SPIRE2: variants seen among roughly 807,000 people sequenced by gnomAD.
SPIRE2 encodes spire type actin nucleation factor 2, also known as protein spire homolog 2.
Under a neutral mutation model 80.7 loss-of-function variants are expected in SPIRE2, and 76 were observed. The ratio of observed to expected loss-of-function variants is 0.94; its 90% CI spans 0.78 to 1.14. SPIRE2 has a LOEUF of 1.14. Ranked by LOEUF, SPIRE2 falls within the 50% of genes most tolerant of loss-of-function variation. The probability of loss-of-function intolerance (pLI) is 0.00; values close to 1 mark genes in which losing one functional copy is unlikely to be tolerated. For missense variants in SPIRE2, 1,196 were observed against 1,015.3 expected, an observed-to-expected ratio of 1.18 and a Z score of -2.42; for synonymous variants, 535 against 432.6, an observed-to-expected ratio of 1.24 and a Z score of -2.94.
intron 3 of SPIRE2, among the ~76,000 whole-genome samples, chr16:89,852,602 C>T (rs1258483314): frequency 4.5e-5 from 2 of 44,072 alleles, no homozygotes; most frequent in Non-Finnish European, 9.3e-5. Flanking sequence ...TTCCATCCTC[C>T]CTCCACCCCC....
intron 5 of SPIRE2, among the ~76,000 whole-genome samples, chr16:89,854,936 A>C (rs1226296447): frequency 9.1e-6 from 1 of 110,116 alleles, no homozygotes; most frequent in Non-Finnish European, 1.9e-5. Flanking sequence ...CCAAGGCTGT[A>C]GGATTTTTTT....
rs1243269391 is a variant in SPIRE2 at position 89,855,664 on chromosome 16, G to C, written c.956G>C (p.Arg319Pro). The change falls in exon 6 of 15, where the codon CGC (arginine) becomes CCC (proline). Residue 319 changes from arginine to proline, a missense_variant. Coordinates refer to ENST00000378247, the MANE Select transcript of SPIRE2 (RefSeq NM_032451.2). ...DAHELILDFI[R>P]SRPPLKQVSE... ...CACGAGCTCATCCTGGACTTTATCCGCTCACGGCCTCCACTGAAGCAGGTG... is the reference window on the plus strand; with the variant it reads ...CACGAGCTCATCCTGGACTTTATCCCCTCACGGCCTCCACTGAAGCAGGTG... 6.2e-7 allele frequency: 1 copy of C among 1,612,740 alleles called. No individual in the cohort carries two copies. Among genetic ancestry groups the C allele is most frequent in the Non-Finnish European group, 8.5e-7 (1 of 1,179,920 alleles).
Position 89,843,667 on chromosome 16 carries a change from GT to G in SPIRE2, c.245-1642del, listed in dbSNP as rs746543138. On this transcript the variant is annotated intron_variant, in intron 1 of 14. Transcript: ENST00000378247. ...GATGGAGCTGCTGCCTTGCTGCCAC[GT>G]TTTTTTTTTTTTGTTTGTTTTTGTT... is the stretch of plus-strand genomic sequence containing the variant. Among the ~76,000 whole-genome samples, 142 of 60,336 alleles carry G rather than the reference GT, an allele frequency of 2.4e-3. 4 individuals are homozygous for G. The highest frequency in any genetic ancestry group is 4.0e-3 in the Admixed American group (16 of 4,000). 39.6% of individuals were successfully genotyped at this position (60,336 alleles called of 152,430 possible). A position where few individuals can be genotyped will look rare whatever the true frequency, so the allele number is the denominator to read the frequency against.
In SPIRE2 at chr16:89,845,306, C is replaced by T. The variant is rs1242908662; in HGVS notation, c.245-16C>T. ...GGGGATGCTGACAAATAACTTAACT[C>T]CCTCTTCTCTTACAGAACCTGCAAC... On this transcript the variant is annotated splice_polypyrimidine_tract_variant and intron_variant, in intron 1 of 14. Coordinates refer to ENST00000378247, the MANE Select transcript of SPIRE2 (RefSeq NM_032451.2). The T allele has an allele frequency of 6.2e-7, 1 of 1,613,664 alleles. No homozygotes were observed. Among genetic ancestry groups the T allele is most frequent in the African/African-American group, 1.3e-5 (1 of 74,910 alleles).
At chr16:89,868,168 A>T (rs1402736884) in intron 12 of SPIRE2, 21 bp from the exon 13 acceptor site, 18 of 1,613,970 alleles carry the variant, frequency 1.1e-5, no homozygotes, top group Non-Finnish European at 1.5e-5. Context: ...CTGATGCTGC[A>T]TTTCCTCTGT....
chr16:89,860,995 G>C lies in SPIRE2; in HGVS notation c.1575+200G>C, dbSNP rs552575497. Among the ~76,000 whole-genome samples the C allele has an allele frequency of 7.9e-5, 12 of 152,254 alleles. No individual in the cohort carries two copies. In the East Asian group the frequency reaches 2.3e-3, roughly 29 times the overall value. On this transcript the variant is annotated intron_variant, in intron 10 of 14. Transcript: ENST00000378247. The stretch of plus-strand genomic sequence containing the variant: ...GTCTGGGGCCGTGGTCTCTGCTGCC[G>C]CCTGCTGGGGCCGAACCGCACTGCA...
intron 2 of SPIRE2, chr16:89,845,780 G>C (rs1193908270): frequency 1.0e-5 from 6 of 595,038 alleles, no homozygotes; most frequent in Non-Finnish European, 1.8e-5. Flanking sequence ...CCTCACCGCA[G>C]GGCAGGGCCT....
intron 2 of SPIRE2, among the ~76,000 whole-genome samples, chr16:89,849,073 G>C (rs545123560): frequency 1.1e-3 from 162 of 152,272 alleles, no homozygotes; most frequent in Non-Finnish European, 2.0e-3. Flanking sequence ...ACTTTCACCT[G>C]TTCTTGTTCT....
chr16:89,846,517 GT>G (rs57456172), intron 2 of SPIRE2: 104,458 of 150,644 alleles, frequency 0.69, 36,901 homozygotes, highest in East Asian at 0.99. Context: ...TAATTTTTGT[GT>G]TTTTTTTTGT....
At chr16:89,834,432 A>G (rs55900382) in intron 1 of SPIRE2, among the ~76,000 whole-genome samples, 1,507 of 67,346 alleles carry the variant, frequency 0.022, 30 homozygotes, top group Middle Eastern at 0.037. Context: ...GCGGTTGGCC[A>G]TCGTAGAAGC....
At chr16:89,844,566 G>A (rs1184994237) in intron 1 of SPIRE2, among the ~76,000 whole-genome samples, 1 of 151,752 alleles carries the variant, frequency 6.6e-6, no homozygotes, top group Non-Finnish European at 1.5e-5. Context: ...ACCCTCCCGA[G>A]TAGCTGGGAC....
At chr16:89,853,483 A>G (rs1381425217) in intron 3 of SPIRE2, among the ~76,000 whole-genome samples, 1 of 152,086 alleles carries the variant, frequency 6.6e-6, no homozygotes. Context: ...TCCCGGAAGG[A>G]CAGGAGTGCC....
chr16:89,839,674 G>A (rs2041485393), intron 1 of SPIRE2, among the ~76,000 whole-genome samples: 1 of 152,236 alleles, frequency 6.6e-6, no homozygotes, highest in South Asian at 2.1e-4. Context: ...GCGGCCACGT[G>A]CGGGGGTTGG....
At chr16:89,860,518 C>G (rs1050282588) in intron 9 of SPIRE2, among the ~76,000 whole-genome samples, 165 bp from the exon 10 acceptor site, 1 of 152,202 alleles carries the variant, frequency 6.6e-6, no homozygotes, top group East Asian at 1.9e-4. Flanking sequence ...CCTCGGCCTC[C>G]TAAGTGCTAG....
chr16:89,829,647 G>C (rs1303505661), intron 1 of SPIRE2, among the ~76,000 whole-genome samples: 1 of 151,660 alleles, frequency 6.6e-6, no homozygotes, highest in Non-Finnish European at 1.5e-5. Flanking sequence ...AGAGCCACGA[G>C]GGGTGGGGGC....
intron 7 of SPIRE2, 72 bp from the exon 8 acceptor site, chr16:89,858,266 A>C (rs1408293552): frequency 7.0e-7 from 1 of 1,432,312 alleles, no homozygotes; most frequent in African/African-American, 1.4e-5. Context: ...GCTGGTGCAC[A>C]CAAAGCTGTC....
At chr16:89,848,419 C>A (rs901894896) in intron 2 of SPIRE2, among the ~76,000 whole-genome samples, 1 of 152,276 alleles carries the variant, frequency 6.6e-6, no homozygotes, top group Admixed American at 6.5e-5. Flanking sequence ...AGTGCCCTTG[C>A]AGGTTCCAGG....
In SPIRE2 at chr16:89,859,241, G is replaced by A. The variant is rs747034884; in HGVS notation, c.1349G>A (p.Arg450Gln). The A allele has an allele frequency of 1.3e-5, 21 of 1,608,480 alleles. No homozygotes were observed. The highest frequency in any genetic ancestry group is 1.6e-4 in the Middle Eastern group (1 of 6,068). The change falls in exon 9 of 15, where the codon CGA becomes CAA. Residue 450 changes from arginine to glutamine, a missense_variant. Physicochemically the swap from Arg to Gln is conservative, Grantham distance 43. Transcript: ENST00000378247. ...SFSEHDLAQL[R>Q]SEVASGLQSA... ...TCAGAGCATGACCTGGCCCAGCTCCGAAGTGAGGTGGCCTCTGGCCTGCAG... is the reference window on the plus strand; with the variant it reads ...TCAGAGCATGACCTGGCCCAGCTCCAAAGTGAGGTGGCCTCTGGCCTGCAG...
At chr16:89,835,029 G>A (rs541693366) in intron 1 of SPIRE2, among the ~76,000 whole-genome samples, 233 of 141,568 alleles carry the variant, frequency 1.6e-3, no homozygotes, top group African/African-American at 5.9e-3. Flanking sequence ...GTTGGCCGTC[G>A]TAGAAGCGTG....
Sources: allele counts gnomAD v4.1 joint callset (sites outside exome capture counted in the v4.1 genomes callset), GRCh38; gene constraint gnomAD v4.1.1; transcripts MANE v1.5; gene names NCBI Gene and HGNC (gene_info 2026-07-23, HGNC 2026-07-21).